The following NRDC variants were observed in gnomAD, a reference collection of about 807,000 sequenced individuals.
The protein encoded by NRDC is nardilysin.
Under a neutral mutation model 147.1 loss-of-function variants are expected in NRDC, and 54 were observed. The observed-to-expected ratio is 0.37, with a 90% CI of 0.29 to 0.46. The LOEUF (loss-of-function observed/expected upper bound fraction) is 0.46, where lower values mean the gene tolerates loss of function less well. Among genes scored for constraint, NRDC ranks in the 20% least tolerant of loss-of-function variants. NRDC has a pLI of 1.00. For missense variants in NRDC, 1,082 were observed against 1,370.6 expected (o/e 0.79, Z 3.33); for synonymous variants, 440 against 482.1 (o/e 0.91, Z 1.14).
chr1:51,842,379 G>GTA lies in NRDC; in HGVS notation c.342-1867_342-1866dup, dbSNP rs1354252872. 3.9e-5 allele frequency among the ~76,000 whole-genome samples: 6 copies of GTA among 152,134 alleles called. No homozygotes were observed. The East Asian group carries it at 1.2e-3, about 29-fold the overall frequency. On this transcript the variant is annotated intron_variant, in intron 1 of 30. Transcript: ENST00000352171. ...GAGAAAACCACAGACCTATAAACAT[G>GTA]TAGTAAGATATTGGTTCTTCCCAGG...
intron 20 of NRDC, 108 bp downstream of exon 20, chr1:51,803,706 C>A: frequency 1.2e-6 from 1 of 824,172 alleles, no homozygotes; most frequent in Non-Finnish European, 1.9e-6. Context: ...TCAAGATAAT[C>A]CACATTAATA....
chr1:51,824,607 A>G (rs1184917937), intron 6 of NRDC, among the ~76,000 whole-genome samples: 1 of 152,170 alleles, frequency 6.6e-6, no homozygotes, highest in Non-Finnish European at 1.5e-5. Flanking sequence ...CACTAAGAAA[A>G]TGCCATTATG....
intron 21 of NRDC, 39 bp from the exon 22 acceptor site, chr1:51,798,450 T>C (rs761116756): frequency 5.9e-6 from 9 of 1,522,326 alleles, no homozygotes; most frequent in Non-Finnish European, 7.2e-6. Context: ...AAAGTTTTGT[T>C]ATTAGAAATG....
Position 51,790,968 on chromosome 1 carries a change from T to C in NRDC, c.2983A>G (p.Ile995Val), listed in dbSNP as rs1221700245. ...KYNSEVVDKK[I>V]EEFLSSFEEK... ...TCAAAGCTAGAAAGAAACTCTTCTA[T>C]CTTCTTATCAACAACTTCAGAACTG... The change falls in exon 28 of 31, where the codon ATA (isoleucine) becomes GTA (valine). Residue 995 changes from isoleucine (I) to valine (V), a missense_variant. This residue lies in a region of NRDC where 187 missense variants were observed against 193.6 expected (regional missense o/e 0.97). Transcript: ENST00000352171. 3 of 1,612,748 alleles carry C rather than the reference T, an allele frequency of 1.9e-6. No individual in the cohort carries two copies. The highest frequency in any genetic ancestry group is 2.5e-6 in the Non-Finnish European group (3 of 1,179,202).
chr1:51,795,392 A>G (rs1308460773), intron 22 of NRDC: 4 of 280,688 alleles, frequency 1.4e-5, no homozygotes, highest in African/African-American at 2.2e-5. Flanking sequence ...CTTGCCTGGT[A>G]CTTCAACGGT....
intron 9 of NRDC, 120 bp from the exon 10 acceptor site, chr1:51,818,255 G>GTTT: frequency 1.6e-6 from 1 of 614,932 alleles, no homozygotes; most frequent in East Asian, 3.3e-5. Context: ...TAAGTACAAT[G>GTTT]CAGTTATTGT....
chr1:51,796,829 G>A (rs1353636670), intron 22 of NRDC, among the ~76,000 whole-genome samples: 5 of 149,056 alleles, frequency 3.4e-5, no homozygotes, highest in Admixed American at 6.6e-5. Context: ...CTTGTGATCC[G>A]CCCACCTCGG....
intron 24 of NRDC, among the ~76,000 whole-genome samples, chr1:51,792,977 A>G (rs912920567): frequency 1.6e-4 from 25 of 152,206 alleles, no homozygotes; most frequent in African/African-American, 5.8e-4. Flanking sequence ...GGAGGCCAAT[A>G]AACAAGGATG....
Position 51,789,671 on chromosome 1 carries a change from G to A in NRDC, c.3169-14C>T, listed in dbSNP as rs923683628. 2 of 1,569,676 alleles carry A rather than the reference G, an allele frequency of 1.3e-6. No homozygotes were observed. The highest frequency in any genetic ancestry group is 2.7e-5 in the African/African-American group (2 of 74,008). On this transcript the variant is annotated splice_polypyrimidine_tract_variant and intron_variant, in intron 29 of 30. Transcript: ENST00000352171. ...CAGTGCTTCAATCTTACAAGGGAAG[G>A]GAAGATAGGAAAGAAATTCAAGAAG...
At chr1:51,818,593 T>C (rs1264026597) in intron 9 of NRDC, among the ~76,000 whole-genome samples, 2 of 152,192 alleles carry the variant, frequency 1.3e-5, no homozygotes, top group African/African-American at 4.8e-5. Context: ...TATTATTCTA[T>C]GAAGAGGAAA....
chr1:51,814,096 A>G lies in NRDC; in HGVS notation c.1620-7T>C. 6.4e-7 allele frequency: 1 copy of G among 1,562,654 alleles called. No individual in the cohort carries two copies. The highest frequency in any genetic ancestry group is 8.8e-7 in the Non-Finnish European group (1 of 1,133,466). On this transcript the variant is annotated splice_region_variant and splice_polypyrimidine_tract_variant and intron_variant, in intron 13 of 30. Coordinates refer to ENST00000352171, the MANE Select transcript of NRDC (RefSeq NM_001101662.2). Reference sequence around the variant, plus strand: ...CCGAATCTCTTCAAAAATTCTGTGAAGGAGAAAACTATAATTAGAAGATAC... The same window carrying G: ...CCGAATCTCTTCAAAAATTCTGTGAGGGAGAAAACTATAATTAGAAGATAC...
chr1:51,821,187 G>A (rs1680193483), intron 8 of NRDC, among the ~76,000 whole-genome samples: 1 of 152,004 alleles, frequency 6.6e-6, no homozygotes, highest in African/African-American at 2.4e-5. Flanking sequence ...ATATTCTTCT[G>A]CCTCTCATAT....
Position 51,819,861 on chromosome 1 carries a change from T to A in NRDC, c.1230A>T (p.Arg410Ser). 1.2e-6 allele frequency: 2 copies of A among 1,607,234 alleles called. No homozygotes were observed. Among genetic ancestry groups the A allele is most frequent in the Non-Finnish European group, 1.7e-6 (2 of 1,176,526 alleles). ...GATCCGTTAAATGGCCAAAGTTTGG[T>A]CTGGGTAACCCACTGAAAATAAAAC... Reference protein sequence around the residue: ...FSQIPNNGLPRPNFGHLTDPF... With the variant: ...FSQIPNNGLPSPNFGHLTDPF... The change falls in exon 9 of 31, where the codon AGA (arginine) becomes AGT (serine). Residue 410 changes from arginine (R) to serine (S), a missense_variant. Coordinates refer to ENST00000352171, the MANE Select transcript of NRDC (RefSeq NM_001101662.2).
rs148589784 is a variant in NRDC at position 51,844,726 on chromosome 1, A to G, written c.342-4212T>C. Among the ~76,000 whole-genome samples the G allele has an allele frequency of 9.3e-3, 1,322 of 142,616 alleles. 22 individuals are homozygous for G. Among genetic ancestry groups the G allele is most frequent in the African/African-American group, 0.032 (1,258 of 39,016 alleles). The allele number at this position is 142,616 out of a possible 152,430, so 93.6% of individuals were successfully genotyped here. On this transcript the variant is annotated intron_variant, in intron 1 of 30. Coordinates refer to ENST00000352171, the MANE Select transcript of NRDC (RefSeq NM_001101662.2). ...GCCACTGCACTCCAGCCTGGGCGAC[A>G]GAGCAAGACTCAGGAAGAAAGGAAT...
At chr1:51,837,739 T>C in intron 2 of NRDC, 1 of 692,978 alleles carries the variant, frequency 1.4e-6, no homozygotes, top group Non-Finnish European at 2.1e-6. Context: ...GTATATCATA[T>C]TCAAATTTCA....
At chr1:51,830,923 A>G (rs1253728525) in intron 4 of NRDC, among the ~76,000 whole-genome samples, 3 of 152,238 alleles carry the variant, frequency 2.0e-5, no homozygotes, top group Non-Finnish European at 4.4e-5. Context: ...TACTTAATCC[A>G]TGTTATATAA....
At chr1:51,822,442 G>C (rs995411401) in intron 7 of NRDC, among the ~76,000 whole-genome samples, 1 of 152,214 alleles carries the variant, frequency 6.6e-6, no homozygotes, top group Non-Finnish European at 1.5e-5. Flanking sequence ...CTCAGAGGCA[G>C]AGGCAGGAGG....
chr1:51,803,858 GTTCTCCAGCTACCAGTTTA>G lies in NRDC; in HGVS notation c.2250_2268del (p.Lys751MetfsTer3). ...CCTTTCACTCGAATAATTAAACCAT[GTTCTCCAGCTACCAGTTTA>G]TACTCCAGCTGTGCCACATCTGCTT... On this transcript the variant is annotated frameshift_variant, in exon 20 of 31. Coordinates refer to ENST00000352171, the MANE Select transcript of NRDC (RefSeq NM_001101662.2). LOFTEE classifies it high-confidence loss of function. 1 of 1,613,776 alleles carries G rather than the reference GTTCTCCAGCTACCAGTTTA, an allele frequency of 6.2e-7. No individual in the cohort carries two copies. Among genetic ancestry groups the G allele is most frequent in the Non-Finnish European group, 8.5e-7 (1 of 1,179,826 alleles).
chr1:51,840,093 T>A, intron 2 of NRDC, 133 bp downstream of exon 2: 1 of 626,192 alleles, frequency 1.6e-6, no homozygotes, highest in Admixed American at 2.9e-5. Flanking sequence ...AATGTAATCC[T>A]GATACAGAAT....
Sources: allele counts gnomAD v4.1 joint callset (sites outside exome capture counted in the v4.1 genomes callset), GRCh38; gene constraint gnomAD v4.1.1; regional missense constraint gnomAD v4.1.1; transcripts MANE v1.5; gene names NCBI Gene and HGNC (gene_info 2026-07-23, HGNC 2026-07-21).